The following C2orf66 variants were observed in gnomAD, a reference collection of about 807,000 sequenced individuals.
C2orf66 encodes the protein chromosome 2 open reading frame 66, also known as uncharacterized protein C2orf66.
In C2orf66, 6 loss-of-function variants were observed where a neutral mutation model predicts 7.0. The observed-to-expected ratio is 0.86, with a 90% CI of 0.47 to 1.69. The LOEUF is 1.69. Among genes scored for constraint, C2orf66 ranks in the 40% most tolerant of loss-of-function variants. The pLI is 0.01. For missense variants in C2orf66, 107 were observed against 112.0 expected (o/e 0.96, Z 0.20); for synonymous variants, 38 against 43.8 (o/e 0.87, Z 0.52).
At chr2:196,809,453 G>C, upstream of C2orf66, 1 of 1,405,656 alleles carries the variant, frequency 7.1e-7, no homozygotes, top group South Asian at 1.3e-5. Flanking sequence ...CAAGGAAGGA[G>C]AAATAGCATA....
chr2:196,814,099 G>C (rs558029274), upstream of C2orf66, among the ~76,000 whole-genome samples: 1 of 152,238 alleles, frequency 6.6e-6, no homozygotes, highest in African/African-American at 2.4e-5. Context: ...TACAAATCAT[G>C]CTACTATAAA....
the C2orf66 span, among the ~76,000 whole-genome samples, chr2:196,817,620 T>G: frequency 6.6e-6 from 1 of 151,650 alleles, no homozygotes; most frequent in African/African-American, 2.4e-5. Context: ...TTTACCAGGG[T>G]GGGGTTTTTC....
chr2:196,805,805 G>C (rs1699813860), intron 2 of C2orf66, among the ~76,000 whole-genome samples: 1 of 152,214 alleles, frequency 6.6e-6, no homozygotes, highest in Non-Finnish European at 1.5e-5. Flanking sequence ...TTTACTAAGA[G>C]AGATAGTATG....
upstream of C2orf66, chr2:196,809,652 T>A (rs527653812): frequency 3.6e-6 from 1 of 277,204 alleles, no homozygotes; most frequent in South Asian, 1.6e-4. Context: ...AAAAAGTACT[T>A]TGTTGTCTCC....
chr2:196,811,806 A>G (rs1363061896), upstream of C2orf66, among the ~76,000 whole-genome samples: 2 of 152,188 alleles, frequency 1.3e-5, no homozygotes, highest in East Asian at 1.9e-4. Context: ...GAATATGAGG[A>G]AAAAAGGGGG....
Position 196,804,762 on chromosome 2 carries a change from G to A in C2orf66, c.*666C>T, listed in dbSNP as rs973809016. Among the ~76,000 whole-genome samples the A allele has an allele frequency of 3.3e-5, 5 of 152,220 alleles. No individual in the cohort carries two copies. The highest frequency in any genetic ancestry group is 1.2e-4 in the African/African-American group (5 of 41,456). On this transcript the variant is annotated 3_prime_UTR_variant, in exon 3 of 3. Transcript: ENST00000342506. ...CTCGGGCATTGCTAGAATATTTGAT[G>A]TGGCACAATGTCCACCTCTGAATAC... is the stretch of plus-strand genomic sequence containing the variant.
the C2orf66 span, among the ~76,000 whole-genome samples, chr2:196,831,784 C>A: frequency 6.6e-6 from 1 of 152,212 alleles, no homozygotes; most frequent in Non-Finnish European, 1.5e-5. Context: ...GGGTTACAAT[C>A]TTCCCAGACA....
upstream of C2orf66, among the ~76,000 whole-genome samples, chr2:196,812,654 C>A (rs1333160992): frequency 6.6e-6 from 1 of 152,160 alleles, no homozygotes; most frequent in Non-Finnish European, 1.5e-5. Flanking sequence ...TCTATGTTTG[C>A]AGATGACATG....
At chr2:196,823,091 G>C in the C2orf66 span, among the ~76,000 whole-genome samples, 1 of 151,934 alleles carries the variant, frequency 6.6e-6, no homozygotes, top group African/African-American at 2.4e-5. Context: ...AAAGAGGGGA[G>C]ACCATTTATG....
At chr2:196,814,276 C>G (rs926216336), upstream of C2orf66, among the ~76,000 whole-genome samples, 1 of 152,246 alleles carries the variant, frequency 6.6e-6, no homozygotes, top group Non-Finnish European at 1.5e-5. Context: ...TTTGCAGGGA[C>G]ATGGATGAAA....
At chr2:196,805,965 C>A (rs1699815892) in intron 2 of C2orf66, among the ~76,000 whole-genome samples, 1 of 152,108 alleles carries the variant, frequency 6.6e-6, no homozygotes, top group South Asian at 2.1e-4. Flanking sequence ...GTTATACGTT[C>A]TTTTTAGAGT....
chr2:196,820,361 C>A, the C2orf66 span, among the ~76,000 whole-genome samples: 1 of 152,304 alleles, frequency 6.6e-6, no homozygotes, highest in South Asian at 2.1e-4. Context: ...GGAGATATCT[C>A]CCATTAGTCA....
the C2orf66 span, among the ~76,000 whole-genome samples, chr2:196,831,677 C>T: frequency 6.6e-6 from 1 of 152,098 alleles, no homozygotes; most frequent in African/African-American, 2.4e-5. Flanking sequence ...CAAGATTGGG[C>T]GTCCGGTGGG....
At chr2:196,805,598 A>C (rs988995216) in intron 2 of C2orf66, among the ~76,000 whole-genome samples, 190 bp from the exon 3 acceptor site, 5 of 152,104 alleles carry the variant, frequency 3.3e-5, no homozygotes, top group Admixed American at 6.5e-5. Flanking sequence ...TTTTTTCATA[A>C]AAGTAAATAA....
At chr2:196,810,197 C>T (rs1243541553), upstream of C2orf66, 6 of 152,186 alleles carry the variant, frequency 3.9e-5, 2 homozygotes, top group South Asian at 1.2e-3. Context: ...CACTTCCACA[C>T]AGCAAAGTGA....
the C2orf66 span, among the ~76,000 whole-genome samples, chr2:196,828,300 G>A: frequency 6.6e-6 from 1 of 151,002 alleles, no homozygotes; most frequent in Non-Finnish European, 1.5e-5. Flanking sequence ...CAACCTAGGG[G>A]TGGGAGACTT....
chr2:196,814,274 G>A (rs1338454471), upstream of C2orf66, among the ~76,000 whole-genome samples: 8 of 152,166 alleles, frequency 5.3e-5, no homozygotes, highest in East Asian at 1.5e-3. Flanking sequence ...CCTTTGCAGG[G>A]ACATGGATGA....
upstream of C2orf66, chr2:196,809,457 T>G: frequency 2.2e-6 from 3 of 1,377,992 alleles, no homozygotes; most frequent in Non-Finnish European, 3.0e-6. Flanking sequence ...GAAGGAGAAA[T>G]AGCATACTGG....
upstream of C2orf66, among the ~76,000 whole-genome samples, chr2:196,814,101 T>G (rs759471903): frequency 6.6e-6 from 1 of 152,232 alleles, no homozygotes; most frequent in Non-Finnish European, 1.5e-5. Context: ...CAAATCATGC[T>G]ACTATAAAGA....
Sources: allele counts gnomAD v4.1 joint callset (sites outside exome capture counted in the v4.1 genomes callset), GRCh38; gene constraint gnomAD v4.1.1; transcripts MANE v1.5; gene names NCBI Gene and HGNC (gene_info 2026-07-23, HGNC 2026-07-21).